Variants in PHTF2 observed in about 807,000 individuals in gnomAD.
PHTF2 encodes the protein putative homeodomain transcription factor 2, also known as protein PHTF2.
PHTF2 carries 60 observed loss-of-function variants against 101.2 expected under a neutral mutation model. The ratio of observed to expected loss-of-function variants is 0.59; its 90% CI spans 0.48 to 0.73. The LOEUF is 0.73. Ranked by LOEUF, PHTF2 falls within the 30% of genes least tolerant of loss-of-function variation. The pLI, the probability that PHTF2 is intolerant of heterozygous loss-of-function variation, is 0.00. For missense variants in PHTF2, 747 were observed against 908.7 expected, an observed-to-expected ratio of 0.82 and a Z score of 2.29; for synonymous variants, 311 against 307.3, an observed-to-expected ratio of 1.01 and a Z score of -0.13.
exon 10 of PHTF2, chr7:77,920,339 C>T: frequency 6.2e-7 from 1 of 1,608,608 alleles, no homozygotes; most frequent in East Asian, 2.2e-5. Context: ...GCTATGTATC[C>T]CTTGATGGGA....
At chr7:77,898,799 AT>A (rs1048112878) in intron 5 of PHTF2, among the ~76,000 whole-genome samples, 12 of 151,448 alleles carry the variant, frequency 7.9e-5, no homozygotes, top group African/African-American at 2.7e-4. Context: ...TTATTTATTT[AT>A]TTTATTTTAT....
chr7:77,866,059 C>T (rs1239004076), intron 3 of PHTF2, among the ~76,000 whole-genome samples: 1 of 151,728 alleles, frequency 6.6e-6, no homozygotes, highest in African/African-American at 2.4e-5. Flanking sequence ...TGGTGCACAC[C>T]TGTAGTCCCA....
chr7:77,893,045 C>T (rs1455055520), intron 3 of PHTF2, among the ~76,000 whole-genome samples: 1 of 152,076 alleles, frequency 6.6e-6, no homozygotes, highest in Non-Finnish European at 1.5e-5. Flanking sequence ...ATTAAGGATT[C>T]CCTAGGGCAG....
At chr7:77,815,458 T>C (rs1193091065) in intron 1 of PHTF2, among the ~76,000 whole-genome samples, 1 of 152,238 alleles carries the variant, frequency 6.6e-6, no homozygotes, top group Non-Finnish European at 1.5e-5. Flanking sequence ...AAATTGAAAT[T>C]TAAAACTGGT....
At chr7:77,893,655 A>T (rs1800635699) in exon 4 of PHTF2, 1 of 1,373,030 alleles carries the variant, frequency 7.3e-7, no homozygotes, top group African/African-American at 1.4e-5. Flanking sequence ...TTGAACAGAG[A>T]GAAATCAAGG....
intron 12 of PHTF2, among the ~76,000 whole-genome samples, chr7:77,930,122 T>G (rs985108034): frequency 3.3e-4 from 50 of 151,864 alleles, no homozygotes; most frequent in African/African-American, 1.2e-3. Flanking sequence ...CCCGGCTAAT[T>G]TTTATGTTAT....
At chr7:77,835,555 T>C (rs1182963160) in intron 1 of PHTF2, among the ~76,000 whole-genome samples, 1 of 152,080 alleles carries the variant, frequency 6.6e-6, no homozygotes, top group Non-Finnish European at 1.5e-5. Flanking sequence ...AATCTGACAA[T>C]GTGGGAGACC....
chr7:77,879,577 A>C (rs934286940), intron 3 of PHTF2, among the ~76,000 whole-genome samples: 1 of 152,038 alleles, frequency 6.6e-6, no homozygotes, highest in Admixed American at 6.6e-5. Context: ...CAAAGATGGA[A>C]TGTTTTTGTT....
chr7:77,949,781 G>A, exon 17 of PHTF2: 2 of 1,546,234 alleles, frequency 1.3e-6, no homozygotes, highest in Non-Finnish European at 1.8e-6. Flanking sequence ...GTTACCCTTG[G>A]ATCAGAAACA....
At chr7:77,894,326 A>G (rs1302997201) in intron 5 of PHTF2, among the ~76,000 whole-genome samples, 2 of 152,188 alleles carry the variant, frequency 1.3e-5, no homozygotes, top group South Asian at 2.1e-4. Context: ...TTTCATTTGC[A>G]TAGATACTAA....
intron 3 of PHTF2, among the ~76,000 whole-genome samples, chr7:77,874,168 T>G (rs955380175): frequency 1.3e-5 from 2 of 152,140 alleles, no homozygotes; most frequent in Non-Finnish European, 2.9e-5. Flanking sequence ...TCAAATGCAT[T>G]TATTTTGCAA....
chr7:77,923,871 A>G (rs1296383434), intron 11 of PHTF2: 2 of 979,338 alleles, frequency 2.0e-6, no homozygotes, highest in African/African-American at 3.5e-5. Flanking sequence ...TAAACGATTG[A>G]GTTTCTTGAA....
exon 20 of PHTF2, chr7:77,956,093 T>G (rs1298201735): frequency 6.6e-6 from 1 of 152,558 alleles, no homozygotes; most frequent in Non-Finnish European, 1.5e-5. Flanking sequence ...TGATTTTAAG[T>G]TGTTATATTT....
chr7:77,845,704 A>G (rs996824358), intron 2 of PHTF2, among the ~76,000 whole-genome samples: 1 of 152,256 alleles, frequency 6.6e-6, no homozygotes, highest in Admixed American at 6.5e-5. Context: ...ATTTCAGAGT[A>G]CTAACTTGCC....
intron 2 of PHTF2, among the ~76,000 whole-genome samples, chr7:77,851,562 G>T (rs949570081): frequency 6.9e-6 from 1 of 143,936 alleles, no homozygotes; most frequent in African/African-American, 2.6e-5. Flanking sequence ...TTGATCTTTT[G>T]TATTTTTTGG....
At chr7:77,918,147 A>G (rs1242527546) in intron 9 of PHTF2, among the ~76,000 whole-genome samples, 1 of 152,198 alleles carries the variant, frequency 6.6e-6, no homozygotes, top group Non-Finnish European at 1.5e-5. Flanking sequence ...CTCCTTAGAA[A>G]AATGGTTAAA....
intron 3 of PHTF2, among the ~76,000 whole-genome samples, chr7:77,883,213 TA>T (rs1343786426): frequency 1.3e-4 from 20 of 152,142 alleles, no homozygotes; most frequent in Non-Finnish European, 2.8e-4. Context: ...ACTTTTGAAT[TA>T]GAAGTCTTAA....
intron 2 of PHTF2, among the ~76,000 whole-genome samples, chr7:77,841,227 A>G (rs1483654184): frequency 6.6e-6 from 1 of 151,090 alleles, no homozygotes; most frequent in Non-Finnish European, 1.5e-5. Context: ...TTACAGGCAT[A>G]TGCTACCATG....
At chr7:77,834,547 AC>A (rs1795307564) in intron 1 of PHTF2, among the ~76,000 whole-genome samples, 1 of 152,136 alleles carries the variant, frequency 6.6e-6, no homozygotes, top group Non-Finnish European at 1.5e-5. Context: ...TCCTATACTC[AC>A]GTGTCTGTGC....
Sources: allele counts gnomAD v4.1 joint callset (sites outside exome capture counted in the v4.1 genomes callset), GRCh38; gene constraint gnomAD v4.1.1; transcripts MANE v1.5; gene names NCBI Gene and HGNC (gene_info 2026-07-23, HGNC 2026-07-21).